ZKSCAN1: variants seen among roughly 807,000 people sequenced by gnomAD.
ZKSCAN1 encodes the protein zinc finger with KRAB and SCAN domains 1.
ZKSCAN1 carries 14 observed loss-of-function variants against 51.6 expected under a neutral mutation model. The observed-to-expected ratio is 0.27, with a 90% CI of 0.18 to 0.42. The LOEUF (loss-of-function observed/expected upper bound fraction) is 0.42. Among genes scored for constraint, ZKSCAN1 ranks in the 10% least tolerant of loss-of-function variants. The pLI is 1.00. For synonymous variants in ZKSCAN1, 263 were observed against 261.5 expected, an observed-to-expected ratio of 1.01 and a Z score of -0.06; for missense variants, 531 against 710.0, an observed-to-expected ratio of 0.75 and a Z score of 2.86.
At chr7:100,020,439 G>C (rs939397353) in intron 1 of ZKSCAN1, among the ~76,000 whole-genome samples, 1 of 152,050 alleles carries the variant, frequency 6.6e-6, no homozygotes, top group African/African-American at 2.4e-5. Context: ...TCTGAAAGGT[G>C]GATTGTGGGA....
rs1365848914 is a variant in ZKSCAN1 at position 100,039,951 on chromosome 7, CATT to C, written c.*5758_*5760del. ...TACTACTGGAGAATTTAATAAAAGG[CATT>C]ATTTGAAAAGTTTTTCTAACATAGA... is the stretch of plus-strand genomic sequence containing the variant. On this transcript the variant is annotated 3_prime_UTR_variant, in exon 6 of 6. Coordinates refer to ENST00000324306, the MANE Select transcript of ZKSCAN1 (RefSeq NM_003439.4). 6.2e-6 allele frequency: 6 copies of C among 968,700 alleles called. No homozygotes were observed. The highest frequency in any genetic ancestry group is 3.5e-5 in the African/African-American group (2 of 56,512). The allele number at this position is 968,700 out of a possible 1,614,324, so 60.0% of individuals were successfully genotyped here.
Position 100,034,861 on chromosome 7 carries a change from C to G in ZKSCAN1, c.*664C>G, listed in dbSNP as rs1385812648. ...CTGCAACAAATGTAGATGGTTCTGT[C>G]CTCATCCCTGAGATCAGTTCTACTG... On this transcript the variant is annotated 3_prime_UTR_variant, in exon 6 of 6. Transcript: ENST00000324306. 6 of 152,702 alleles carry G rather than the reference C, an allele frequency of 3.9e-5. No homozygotes were observed. In the East Asian group the frequency reaches 1.2e-3, roughly 29 times the overall value. 9.5% of individuals were successfully genotyped at this position (152,702 alleles called of 1,614,324 possible). A position where few individuals can be genotyped will look rare whatever the true frequency, so the allele number is the denominator to read the frequency against.
rs144938552 is a variant in ZKSCAN1 at position 100,023,636 on chromosome 7, C to A, written c.130C>A (p.Leu44Ile). Residue 44 changes from leucine (L) to isoleucine (I), a missense_variant, in exon 2 of 6, where the codon CTA (leucine) becomes ATA (isoleucine). Coordinates refer to ENST00000324306, the MANE Select transcript of ZKSCAN1 (RefSeq NM_003439.4). ...CCACATGTGGGGGCAGGATTCCACCCTACAGGACACGCCTCCTCCAGACCC... is the reference window on the plus strand; with the variant it reads ...CCACATGTGGGGGCAGGATTCCACCATACAGGACACGCCTCCTCCAGACCC... ...EDHMWGQDST[L>I]QDTPPPDPEI... The A allele has an allele frequency of 1.2e-5, 19 of 1,613,972 alleles. No homozygotes were observed. Among genetic ancestry groups the A allele is most frequent in the Non-Finnish European group, 1.4e-5 (17 of 1,180,046 alleles).
rs1455385845 is a variant in ZKSCAN1, at chr7:100,040,796, C to T, written c.*6599C>T. On this transcript the variant is annotated 3_prime_UTR_variant, in exon 6 of 6. Coordinates refer to ENST00000324306, the MANE Select transcript of ZKSCAN1 (RefSeq NM_003439.4). Reference sequence around the variant, plus strand: ...TCCCCTCACCTCAACCAGAGAAGAGCATCCGGTTGCTTTTTAAAGCTTTTA... The same window carrying T: ...TCCCCTCACCTCAACCAGAGAAGAGTATCCGGTTGCTTTTTAAAGCTTTTA... 1.0e-6 allele frequency: 1 copy of T among 985,304 alleles called. No individual in the cohort carries two copies. The highest frequency in any genetic ancestry group is 1.2e-6 in the Non-Finnish European group (1 of 829,960). 61.0% of individuals were successfully genotyped at this position (985,304 alleles called of 1,614,324 possible).
In ZKSCAN1 at chr7:100,033,927, G is replaced by A. The variant is rs754056514; in HGVS notation, c.1422G>A (p.Ser474=). ...GCGGGAAGGCCTTCAGCCAGAGCTC[G>A]GACCTCACCAAGCATCAGAGAATTC... is the stretch of plus-strand genomic sequence containing the variant. ...NECGKAFSQS[S]DLTKHQRIHT... is the part of the protein sequence containing the mutation. The change falls in exon 6 of 6, where the codon TCG becomes TCA. Residue 474 remains serine (S), a synonymous_variant. Transcript: ENST00000324306. The surrounding 1 kb of genome is among the most constrained non-coding windows in gnomAD (Gnocchi z 4.1). 46 of 1,614,020 alleles carry A rather than the reference G, an allele frequency of 2.9e-5. No homozygotes were observed. Among genetic ancestry groups the A allele is most frequent in the African/African-American group, 2.8e-4 (21 of 74,908 alleles).
chr7:100,037,700 G>T lies in ZKSCAN1; in HGVS notation c.*3503G>T, dbSNP rs947964854. The T allele has an allele frequency of 5.1e-6, 5 of 985,456 alleles. No individual in the cohort carries two copies. The highest frequency in any genetic ancestry group is 3.6e-6 in the Non-Finnish European group (3 of 829,948). The allele number at this position is 985,456 out of a possible 1,614,324, so 61.0% of individuals were successfully genotyped here. A position where few individuals can be genotyped will look rare whatever the true frequency, so the allele number is the denominator to read the frequency against. The stretch of plus-strand genomic sequence containing the variant: ...TCCGTCGGTATGTTCCAATCGTGAT[G>T]AATTTGAGAAACATTGCAAGAGGGA... On this transcript the variant is annotated 3_prime_UTR_variant, in exon 6 of 6. Transcript: ENST00000324306.
Position 100,041,444 on chromosome 7 carries a change from A to G in ZKSCAN1, c.*7247A>G, listed in dbSNP as rs1310749009. On this transcript the variant is annotated 3_prime_UTR_variant, in exon 6 of 6. Transcript: ENST00000324306. ...TTTTTAAAAGCTAGGGAACTCCTCC[A>G]CTAAAAGTAACCATTGGAAACCTCG... 1.0e-6 allele frequency: 1 copy of G among 985,448 alleles called. No individual in the cohort carries two copies. Among genetic ancestry groups the G allele is most frequent in the Non-Finnish European group, 1.2e-6 (1 of 829,948 alleles). 61.0% of individuals were successfully genotyped at this position (985,448 alleles called of 1,614,324 possible).
chr7:100,040,191 T>C lies in ZKSCAN1; in HGVS notation c.*5994T>C, dbSNP rs1299986693. On this transcript the variant is annotated 3_prime_UTR_variant, in exon 6 of 6. Coordinates refer to ENST00000324306, the MANE Select transcript of ZKSCAN1 (RefSeq NM_003439.4). The stretch of plus-strand genomic sequence containing the variant: ...TTTTGACATCCCACAATACAGAATG[T>C]CTTAACATGAGAATTGAATTTCATG... 4.1e-6 allele frequency: 4 copies of C among 985,320 alleles called. No homozygotes were observed. Among genetic ancestry groups the C allele is most frequent in the African/African-American group, 1.7e-5 (1 of 57,246 alleles). The allele number at this position is 985,320 out of a possible 1,614,324, so 61.0% of individuals were successfully genotyped here. A position where few individuals can be genotyped will look rare whatever the true frequency, so the allele number is the denominator to read the frequency against.
Position 100,037,183 on chromosome 7 carries a change from T to G in ZKSCAN1, c.*2986T>G. 2.0e-6 allele frequency: 2 copies of G among 985,446 alleles called. No homozygotes were observed. The highest frequency in any genetic ancestry group is 2.4e-6 in the Non-Finnish European group (2 of 829,932). The allele number at this position is 985,446 out of a possible 1,614,324, so 61.0% of individuals were successfully genotyped here. ...TCTAATTGGCGTTCAAGATAGTCAT[T>G]CAAAAGTTCTTGGCCCGCTGAAGTC... On this transcript the variant is annotated 3_prime_UTR_variant, in exon 6 of 6. Transcript: ENST00000324306.
Position 100,033,918 on chromosome 7 carries a change from C to T in ZKSCAN1, c.1413C>T (p.Ser471=), listed in dbSNP as rs138782163. The T allele has an allele frequency of 1.5e-3, 2,501 of 1,614,176 alleles. 9 individuals are homozygous for T. The highest frequency in any genetic ancestry group is 7.4e-3 in the Middle Eastern group (45 of 6,062). Residue 471 remains serine, a synonymous_variant, in exon 6 of 6, where the codon AGC becomes AGT. Coordinates refer to ENST00000324306, the MANE Select transcript of ZKSCAN1 (RefSeq NM_003439.4). This position sits in a 1 kb window ranked among gnomAD's most constrained non-coding sequence, Gnocchi z 4.1. ...YECNECGKAF[S]QSSDLTKHQR... ...GTAATGAGTGCGGGAAGGCCTTCAG[C>T]CAGAGCTCGGACCTCACCAAGCATC...
intron 1 of ZKSCAN1, among the ~76,000 whole-genome samples, chr7:100,020,718 T>C (rs1341969854): frequency 6.6e-6 from 1 of 152,186 alleles, no homozygotes; most frequent in African/African-American, 2.4e-5. Context: ...TCACCAAAAT[T>C]AAGAATATGT....
In ZKSCAN1 at chr7:100,033,521, A is replaced by G. The variant is rs1180768161; in HGVS notation, c.1016A>G (p.Lys339Arg). The G allele has an allele frequency of 1.2e-6, 2 of 1,614,046 alleles. No homozygotes were observed. The highest frequency in any genetic ancestry group is 4.5e-5 in the East Asian group (2 of 44,898). Reference sequence around the variant, plus strand: ...GGGCCAGCTATAGGAAAGGACAAAAAAACCATCACAGGAGAGAGAGGTCCA... The same window carrying G: ...GGGCCAGCTATAGGAAAGGACAAAAGAACCATCACAGGAGAGAGAGGTCCA... ...DSGPAIGKDK[K>R]TITGERGPRE... Residue 339 changes from lysine to arginine, a missense_variant, in exon 6 of 6, where the codon AAA becomes AGA. Lys to Arg is a conservative substitution (Grantham distance 26). This residue lies in a region of ZKSCAN1 where 403 missense variants were observed against 490.5 expected (regional missense o/e 0.82). Transcript: ENST00000324306. This position sits in a 1 kb window ranked among gnomAD's most constrained non-coding sequence, Gnocchi z 4.1.
chr7:100,034,499 A>C lies in ZKSCAN1; in HGVS notation c.*302A>C. Reference sequence around the variant, plus strand: ...TCTTTTCAGTAATGAGGATACCTTTAAGGCACTCTTGGACTCTCGGCAACC... The same window carrying C: ...TCTTTTCAGTAATGAGGATACCTTTCAGGCACTCTTGGACTCTCGGCAACC... On this transcript the variant is annotated 3_prime_UTR_variant, in exon 6 of 6. Transcript: ENST00000324306. 1 of 1,094,888 alleles carries C rather than the reference A, an allele frequency of 9.1e-7. No individual in the cohort carries two copies. Among genetic ancestry groups the C allele is most frequent in the African/African-American group, 1.6e-5 (1 of 61,194 alleles). The allele number at this position is 1,094,888 out of a possible 1,614,324, so 67.8% of individuals were successfully genotyped here. A position where few individuals can be genotyped will look rare whatever the true frequency, so the allele number is the denominator to read the frequency against.
rs1339801974 is a variant in ZKSCAN1, at chr7:100,016,763, G to A, written c.-89+1037G>A. On this transcript the variant is annotated intron_variant, in intron 1 of 5. Coordinates refer to ENST00000324306, the MANE Select transcript of ZKSCAN1 (RefSeq NM_003439.4). The stretch of plus-strand genomic sequence containing the variant: ...AAGAAAGCATTTATTGTACGGGCCA[G>A]TGCTAGGCGGATTGGAGGCGGTCAA... 3 of 152,334 alleles carry A rather than the reference G, an allele frequency of 2.0e-5. No individual in the cohort carries two copies. The East Asian group carries it at 5.8e-4, about 29-fold the overall frequency. The allele number at this position is 152,334 out of a possible 1,614,324, so 9.4% of individuals were successfully genotyped here.
At chr7:100,019,908 AT>A (rs776485181) in intron 1 of ZKSCAN1, among the ~76,000 whole-genome samples, 1 of 151,768 alleles carries the variant, frequency 6.6e-6, no homozygotes, top group Non-Finnish European at 1.5e-5. Context: ...TTGCCATGTT[AT>A]CCAGGCTGGT....
At position 100,038,943 on chromosome 7, in the gene ZKSCAN1, C is replaced by A; in HGVS notation, c.*4746C>A. ...ATGGGAGGCGGAGGTTGCAGTGAGC[C>A]AAGATGGCGCCACTGCACTCCAGCC... On this transcript the variant is annotated 3_prime_UTR_variant, in exon 6 of 6. Coordinates refer to ENST00000324306, the MANE Select transcript of ZKSCAN1 (RefSeq NM_003439.4). 1 of 156,662 alleles carries A rather than the reference C, an allele frequency of 6.4e-6. No individual in the cohort carries two copies. The highest frequency in any genetic ancestry group is 1.3e-5 in the Non-Finnish European group (1 of 76,206). The allele number at this position is 156,662 out of a possible 1,614,324, so 9.7% of individuals were successfully genotyped here.
In ZKSCAN1 at chr7:100,037,163, T is replaced by C. The variant is rs934693610; in HGVS notation, c.*2966T>C. On this transcript the variant is annotated 3_prime_UTR_variant, in exon 6 of 6. Coordinates refer to ENST00000324306, the MANE Select transcript of ZKSCAN1 (RefSeq NM_003439.4). ...GGTCAAAAACGCTTGCAACATCTAA[T>C]TGGCGTTCAAGATAGTCATTCAAAA... 6.1e-6 allele frequency: 6 copies of C among 985,356 alleles called. No homozygotes were observed. Among genetic ancestry groups the C allele is most frequent in the African/African-American group, 5.2e-5 (3 of 57,258 alleles). 61.0% of individuals were successfully genotyped at this position (985,356 alleles called of 1,614,324 possible).
At position 100,039,998 on chromosome 7, in the gene ZKSCAN1, A is replaced by C. The variant is rs1049119027; in HGVS notation, c.*5801A>C. The C allele has an allele frequency of 2.4e-6, 2 of 816,718 alleles. No individual in the cohort carries two copies. Among genetic ancestry groups the C allele is most frequent in the African/African-American group, 3.7e-5 (2 of 53,690 alleles). The allele number at this position is 816,718 out of a possible 1,614,324, so 50.6% of individuals were successfully genotyped here. A position where few individuals can be genotyped will look rare whatever the true frequency, so the allele number is the denominator to read the frequency against. On this transcript the variant is annotated 3_prime_UTR_variant, in exon 6 of 6. Transcript: ENST00000324306. ...ACATAGATTTAGGGTTTTTTTTTTTAGAGTGGACACACTACATTTAAAAGC... is the reference window on the plus strand; with the variant it reads ...ACATAGATTTAGGGTTTTTTTTTTTCGAGTGGACACACTACATTTAAAAGC...
In ZKSCAN1 at chr7:100,039,614, G is replaced by C; in HGVS notation, c.*5417G>C. On this transcript the variant is annotated 3_prime_UTR_variant, in exon 6 of 6. Coordinates refer to ENST00000324306, the MANE Select transcript of ZKSCAN1 (RefSeq NM_003439.4). ...CACTTTTATTCCAGGTAGTCATGCT[G>C]ATCTGCTTATCCAAAGCCAGCTAAC... is the stretch of plus-strand genomic sequence containing the variant. 2.0e-6 allele frequency: 2 copies of C among 985,390 alleles called. No individual in the cohort carries two copies. Among genetic ancestry groups the C allele is most frequent in the Non-Finnish European group, 2.4e-6 (2 of 829,928 alleles). The allele number at this position is 985,390 out of a possible 1,614,324, so 61.0% of individuals were successfully genotyped here.
Sources: gnomAD v4.1 joint callset for allele counts (sites outside exome capture counted in the v4.1 genomes callset) on GRCh38, gnomAD v4.1.1 for gene constraint, gnomAD v4.1.1 regional missense constraint, Gnocchi (gnomAD v3.1) non-coding constraint, MANE v1.5 for transcripts, NCBI Gene and HGNC (gene_info 2026-07-23, HGNC 2026-07-21) for gene names.